Variants in SMARCA4 observed in about 807,000 individuals in gnomAD.
SMARCA4 encodes SWI/SNF-related matrix-associated actin-dependent regulator of chromatin subfamily A member 4.
A neutral mutation model predicts 193.9 loss-of-function variants in SMARCA4; 31 were observed. The ratio of observed to expected loss-of-function variants is 0.16; its 90% CI spans 0.12 to 0.22. SMARCA4 has a LOEUF of 0.22. SMARCA4 is among the 10% of genes least tolerant of loss of function. SMARCA4 has a pLI of 1.00. For synonymous variants in SMARCA4, 942 were observed against 933.1 expected, an observed-to-expected ratio of 1.01 and a Z score of -0.17; for missense variants, 1,148 against 2,296.0, an observed-to-expected ratio of 0.50 and a Z score of 10.22.
intron 30 of SMARCA4, among the ~76,000 whole-genome samples, chr19:11,043,952 G>A (rs1460844148): frequency 2.6e-5 from 4 of 152,182 alleles, no homozygotes; most frequent in African/African-American, 9.7e-5. Flanking sequence ...CTCCAGCCTG[G>A]GTGACAGAGT....
At chr19:10,991,674 G>A (rs1470207329) in intron 8 of SMARCA4, among the ~76,000 whole-genome samples, 4 of 152,254 alleles carry the variant, frequency 2.6e-5, no homozygotes, top group African/African-American at 2.4e-5. Context: ...GAGGCACACA[G>A]ATCTGTGGGA....
intron 1 of SMARCA4, among the ~76,000 whole-genome samples, chr19:10,968,896 G>C (rs76460789): frequency 6.6e-6 from 1 of 152,174 alleles, no homozygotes; most frequent in African/African-American, 2.4e-5. Context: ...GCCTGGACTG[G>C]CTGGGCACCT....
intron 11 of SMARCA4, among the ~76,000 whole-genome samples, chr19:10,998,426 AG>A (rs2087291297): frequency 6.6e-6 from 1 of 151,934 alleles, no homozygotes. Context: ...GTAATCAGTA[AG>A]TACCCTGTAG....
rs138548198 is a variant in SMARCA4, at chr19:10,972,556, C to T, written c.-32+11382C>T. The stretch of plus-strand genomic sequence containing the variant: ...TTTGGAACCAGCTTGGTGCATTCAG[C>T]GCTGTTCGTATTTGGGGGTAGTCAT... On this transcript the variant is annotated intron_variant, in intron 1 of 34. Transcript: ENST00000344626. 3.7e-3 allele frequency among the ~76,000 whole-genome samples: 562 copies of T among 152,238 alleles called. 5 individuals are homozygous for T. The highest frequency in any genetic ancestry group is 8.2e-3 in the African/African-American group (339 of 41,532).
chr19:11,031,178 G>A lies in SMARCA4; in HGVS notation c.3546+285G>A, dbSNP rs899011835. 1 of 456,846 alleles carries A rather than the reference G, an allele frequency of 2.2e-6. No homozygotes were observed. Among genetic ancestry groups the A allele is most frequent in the African/African-American group, 2.0e-5 (1 of 50,592 alleles). The allele number at this position is 456,846 out of a possible 1,614,324, so 28.3% of individuals were successfully genotyped here. Reference sequence around the variant, plus strand: ...AATCTTGGAATGGCACCCATGAGGAGGTGGAAAGTATCCTGATCAATCTGC... The same window carrying A: ...AATCTTGGAATGGCACCCATGAGGAAGTGGAAAGTATCCTGATCAATCTGC... On this transcript the variant is annotated intron_variant, in intron 25 of 34. Transcript: ENST00000344626. The surrounding 1 kb of genome is among the most constrained non-coding windows in gnomAD (Gnocchi z 4.3).
intron 1 of SMARCA4, among the ~76,000 whole-genome samples, chr19:10,967,559 C>G (rs1489827918): frequency 6.6e-6 from 1 of 151,808 alleles, no homozygotes; most frequent in Non-Finnish European, 1.5e-5. Context: ...ATCCGTCTGC[C>G]TCAGCCTCCC....
chr19:11,000,814 C>G (rs1334579417), intron 11 of SMARCA4, among the ~76,000 whole-genome samples: 1 of 147,860 alleles, frequency 6.8e-6, no homozygotes, highest in Non-Finnish European at 1.5e-5. Flanking sequence ...GGAGGCGGAT[C>G]ACACCACTGC....
chr19:11,018,002 A>G (rs1189960206), intron 16 of SMARCA4, among the ~76,000 whole-genome samples: 1 of 151,212 alleles, frequency 6.6e-6, no homozygotes, highest in Non-Finnish European at 1.5e-5. Flanking sequence ...TTCTTCAGGA[A>G]CTCTCCCCAG....
intron 19 of SMARCA4, 81 bp downstream of exon 19, chr19:11,022,048 A>G (rs1298712073): frequency 1.3e-6 from 2 of 1,591,362 alleles, no homozygotes; most frequent in Non-Finnish European, 1.7e-6. Context: ...AGCACCAGCT[A>G]CAGCTGGCTG....
Position 11,041,245 on chromosome 19 carries a change from C to T in SMARCA4, c.4171-62C>T, listed in dbSNP as rs1055361800. On this transcript the variant is annotated intron_variant, in intron 29 of 34. Transcript: ENST00000344626. This position sits in a 1 kb window ranked among gnomAD's most constrained non-coding sequence, Gnocchi z 5.6. ...CCCAGCCCGGCCCCTGGGATTGCGT[C>T]GCGGCCTCTGCTTGTCGACCTGGGT... The T allele has an allele frequency of 1.4e-5, 22 of 1,544,116 alleles. No homozygotes were observed. The highest frequency in any genetic ancestry group is 2.7e-5 in the African/African-American group (2 of 73,426).
At chr19:11,005,442 G>A (rs2088105850) in intron 13 of SMARCA4, among the ~76,000 whole-genome samples, 2 of 152,144 alleles carry the variant, frequency 1.3e-5, no homozygotes, top group East Asian at 1.9e-4. Flanking sequence ...GCTCAGACAC[G>A]CGCCTTCTTT....
At chr19:11,059,396 T>A (rs997181003) in intron 32 of SMARCA4, among the ~76,000 whole-genome samples, 1 of 152,222 alleles carries the variant, frequency 6.6e-6, no homozygotes, top group Non-Finnish European at 1.5e-5. Flanking sequence ...AAGACTTGAC[T>A]TTGATGAGTT....
chr19:11,019,620 C>G lies in SMARCA4; in HGVS notation c.2535C>G (p.Val845=), dbSNP rs986151175. ...CCCCAGCAGCAAGACGGGCCTTTGT[C>G]CCCCAGCTCCGGAGTGGGAAGTTCA... The part of the protein sequence containing the change: ...KGSPAARRAF[V]PQLRSGKFNV... The change falls in exon 18 of 35, where the codon GTC becomes GTG. Residue 845 remains valine (V), a synonymous_variant. Transcript: ENST00000344626. The surrounding 1 kb of genome is among the most constrained non-coding windows in gnomAD (Gnocchi z 6.1). The G allele has an allele frequency of 1.2e-6, 2 of 1,612,582 alleles. No individual in the cohort carries two copies. Among genetic ancestry groups the G allele is most frequent in the African/African-American group, 2.7e-5 (2 of 74,938 alleles).
At chr19:10,975,878 G>A (rs1231435438) in intron 1 of SMARCA4, among the ~76,000 whole-genome samples, 1 of 152,150 alleles carries the variant, frequency 6.6e-6, no homozygotes, top group African/African-American at 2.4e-5. Context: ...TTCTCCTTGT[G>A]GAGGCCCCGG....
chr19:11,021,575 C>T (rs867927886), intron 18 of SMARCA4, 150 bp from the exon 19 acceptor site: 1 of 990,006 alleles, frequency 1.0e-6, no homozygotes, highest in Non-Finnish European at 1.5e-6. Context: ...TGAGTCAGCC[C>T]CGGGGCAGGA....
intron 9 of SMARCA4, 97 bp downstream of exon 9, chr19:10,995,098 C>T: frequency 8.5e-7 from 1 of 1,177,562 alleles, no homozygotes; most frequent in Non-Finnish European, 1.2e-6. Flanking sequence ...AGGCATTTCA[C>T]AGCTCGGAGT....
At chr19:11,061,066 T>C (rs979108009) in intron 34 of SMARCA4, among the ~76,000 whole-genome samples, 2 of 151,500 alleles carry the variant, frequency 1.3e-5, no homozygotes, top group Non-Finnish European at 2.9e-5. Context: ...CTCACACCTG[T>C]AATCCCAGCA....
chr19:11,057,188 G>A (rs1248809535), intron 30 of SMARCA4, among the ~76,000 whole-genome samples: 1 of 152,206 alleles, frequency 6.6e-6, no homozygotes, highest in Admixed American at 6.5e-5. Flanking sequence ...AGAGGAGAGC[G>A]CGTTTGCCAT....
At chr19:10,975,589 G>A (rs1051781824) in intron 1 of SMARCA4, among the ~76,000 whole-genome samples, 13 of 151,108 alleles carry the variant, frequency 8.6e-5, no homozygotes, top group Middle Eastern at 3.4e-3. Flanking sequence ...AATTGTAGGC[G>A]TGAGCCACCA....
Sources: gnomAD v4.1 joint callset for allele counts (sites outside exome capture counted in the v4.1 genomes callset) on GRCh38, gnomAD v4.1.1 for gene constraint, Gnocchi (gnomAD v3.1) non-coding constraint, MANE v1.5 for transcripts, NCBI Gene and HGNC (gene_info 2026-07-23, HGNC 2026-07-21) for gene names.